Variants in RNF123 observed in about 807,000 individuals in gnomAD.
RNF123 encodes the protein E3 ubiquitin-protein ligase RNF123.
RNF123 carries 86 observed loss-of-function variants against 168.5 expected under a neutral mutation model. That is an observed-to-expected ratio of 0.51 (90% CI 0.43 to 0.61). The LOEUF is 0.61. Among genes scored for constraint, RNF123 ranks in the 20% least tolerant of loss-of-function variants. RNF123 has a pLI of 0.00. For synonymous variants in RNF123, 666 were observed against 689.1 expected, an observed-to-expected ratio of 0.97 and a Z score of 0.52; for missense variants, 1,419 against 1,729.7, an observed-to-expected ratio of 0.82 and a Z score of 3.19.
intron 26 of RNF123, among the ~76,000 whole-genome samples, chr3:49,708,260 G>C (rs1021725157): frequency 6.6e-6 from 1 of 152,144 alleles, no homozygotes; most frequent in African/African-American, 2.4e-5. Context: ...CACTGTGCCC[G>C]GTCACCCATC....
chr3:49,717,800 G>A lies in RNF123; in HGVS notation c.3500+1323G>A. 8.5e-6 allele frequency: 7 copies of A among 827,612 alleles called. No individual in the cohort carries two copies. The South Asian group carries it at 1.1e-4, about 13-fold the overall frequency. 51.3% of individuals were successfully genotyped at this position (827,612 alleles called of 1,614,324 possible). On this transcript the variant is annotated intron_variant, in intron 35 of 38. Coordinates refer to ENST00000327697, the MANE Select transcript of RNF123 (RefSeq NM_022064.5). Reference sequence around the variant, plus strand: ...ACAACCCCTGTCTCTACCAGTGAGCGAGAAGGCCCATTGTGTTTCGAGGCC... The same window carrying A: ...ACAACCCCTGTCTCTACCAGTGAGCAAGAAGGCCCATTGTGTTTCGAGGCC...
chr3:49,719,424 C>T, intron 35 of RNF123: 2 of 1,613,586 alleles, frequency 1.2e-6, no homozygotes, highest in East Asian at 2.2e-5. Flanking sequence ...ACCCAACGCG[C>T]AGCATGCAGA....
In RNF123 at chr3:49,699,125, G is replaced by A; in HGVS notation, c.764+20G>A. ...TCTGCGATATCATTTTGTGAAGATGGCTGTGGGCTGCTCAGAAGCTCTTGG... is the reference window on the plus strand; with the variant it reads ...TCTGCGATATCATTTTGTGAAGATGACTGTGGGCTGCTCAGAAGCTCTTGG... On this transcript the variant is annotated intron_variant, in intron 10 of 38. Coordinates refer to ENST00000327697, the MANE Select transcript of RNF123 (RefSeq NM_022064.5). The surrounding 1 kb of genome is among the most constrained non-coding windows in gnomAD (Gnocchi z 4.8). 2 of 1,609,334 alleles carry A rather than the reference G, an allele frequency of 1.2e-6. No individual in the cohort carries two copies. Among genetic ancestry groups the A allele is most frequent in the South Asian group, 2.2e-5 (2 of 90,592 alleles).
At chr3:49,691,923 G>A (rs1427153813) in intron 3 of RNF123, among the ~76,000 whole-genome samples, 1 of 152,246 alleles carries the variant, frequency 6.6e-6, no homozygotes, top group Non-Finnish European at 1.5e-5. Flanking sequence ...AGTGTAGTCA[G>A]TATAAAAGTT....
At chr3:49,712,157 G>A (rs1406180166) in intron 26 of RNF123, among the ~76,000 whole-genome samples, 2 of 151,956 alleles carry the variant, frequency 1.3e-5, no homozygotes, top group Non-Finnish European at 2.9e-5. Context: ...CTTGGGAGGC[G>A]GAGGTTTCCA....
At chr3:49,716,297 C>G (rs527502058) in intron 34 of RNF123, 96 bp from the exon 35 acceptor site, 421 of 1,540,748 alleles carry the variant, frequency 2.7e-4, no homozygotes, top group Non-Finnish European at 3.6e-4. Context: ...TCTGCAGTCT[C>G]GGCTCACCCT....
chr3:49,709,958 G>T (rs996640797), intron 26 of RNF123, among the ~76,000 whole-genome samples: 3 of 152,086 alleles, frequency 2.0e-5, no homozygotes, highest in Non-Finnish European at 4.4e-5. Flanking sequence ...GTGCATGAGG[G>T]TTCCAATTTC....
intron 22 of RNF123, 94 bp from the exon 23 acceptor site, chr3:49,704,890 G>A (rs1361739056): frequency 7.1e-7 from 1 of 1,400,750 alleles, no homozygotes; most frequent in Non-Finnish European, 9.7e-7. Context: ...CTTGCTGTGG[G>A]TGGAGGCATG....
At chr3:49,718,847 G>A in intron 35 of RNF123, 1 of 1,613,460 alleles carries the variant, frequency 6.2e-7, no homozygotes, top group Non-Finnish European at 8.5e-7. Context: ...AGGAAGGCCG[G>A]CAGCGCGGCC....
Position 49,697,274 on chromosome 3 carries a change from C to A in RNF123, c.247+52C>A, listed in dbSNP as rs751541702. Reference sequence around the variant, plus strand: ...TGGGAGGTGCAGAGCTGGGACGTAGCGGGCCTGGAGACGTCTGGTGAGCTC... The same window carrying A: ...TGGGAGGTGCAGAGCTGGGACGTAGAGGGCCTGGAGACGTCTGGTGAGCTC... On this transcript the variant is annotated intron_variant, in intron 4 of 38. Coordinates refer to ENST00000327697, the MANE Select transcript of RNF123 (RefSeq NM_022064.5). 16 of 1,597,714 alleles carry A rather than the reference C, an allele frequency of 1.0e-5. No individual in the cohort carries two copies. The Middle Eastern group carries it at 8.3e-4, about 83-fold the overall frequency.
intron 31 of RNF123, 75 bp downstream of exon 31, chr3:49,714,249 ACT>A: frequency 2.3e-6 from 3 of 1,314,676 alleles, no homozygotes; most frequent in South Asian, 1.2e-5. Context: ...GTTCTTTCAG[ACT>A]CTCCACTTCT....
At chr3:49,707,172 C>G (rs373126138) in intron 26 of RNF123, among the ~76,000 whole-genome samples, 2 of 152,096 alleles carry the variant, frequency 1.3e-5, no homozygotes, top group East Asian at 1.9e-4. Context: ...GCTCCCACCC[C>G]CTCCCAGTTT....
At chr3:49,701,968 C>T in intron 17 of RNF123, 58 bp downstream of exon 17, 1 of 1,549,030 alleles carries the variant, frequency 6.5e-7, no homozygotes, top group African/African-American at 1.4e-5. Flanking sequence ...CATGAGGGTG[C>T]TTGGAGGTGC....
intron 26 of RNF123, 48 bp from the exon 27 acceptor site, chr3:49,712,431 A>G (rs1188956433): frequency 1.9e-6 from 3 of 1,600,068 alleles, no homozygotes; most frequent in African/African-American, 1.3e-5. Context: ...CATGCCCCCA[A>G]GACCCCACTG....
chr3:49,718,309 G>T lies in RNF123; in HGVS notation c.3500+1832G>T, dbSNP rs200455167. 2.5e-4 allele frequency: 407 copies of T among 1,613,284 alleles called. 3 individuals carry two copies. In the East Asian group the frequency reaches 8.9e-3, roughly 35 times the overall value. On this transcript the variant is annotated intron_variant, in intron 35 of 38. Coordinates refer to ENST00000327697, the MANE Select transcript of RNF123 (RefSeq NM_022064.5). ...GCCCACGGCACAGCCCAGCAGTGTG[G>T]TGAAGCCTGTGTTGAAAGCCTCGGG...
In RNF123 at chr3:49,702,676, T is replaced by G. The variant is rs1441757407; in HGVS notation, c.1673T>G (p.Leu558Ter). The change falls in exon 20 of 39, where the codon TTA (leucine) becomes TGA (stop). Residue 558 changes from leucine (L) to a stop codon, truncating the protein, a stop_gained. Coordinates refer to ENST00000327697, the MANE Select transcript of RNF123 (RefSeq NM_022064.5). LOFTEE classifies it high-confidence loss of function. ...CCCCCTGAGTACATGGTCTGCTTCTTACACCGGCTGATCTCTGCCCTGCGC... is the reference window on the plus strand; with the variant it reads ...CCCCCTGAGTACATGGTCTGCTTCTGACACCGGCTGATCTCTGCCCTGCGC... ...LCPPEYMVCF[L>*]HRLISALRYY... 1 of 1,614,130 alleles carries G rather than the reference T, an allele frequency of 6.2e-7. No homozygotes were observed. The highest frequency in any genetic ancestry group is 1.3e-5 in the African/African-American group (1 of 74,944).
chr3:49,693,394 T>A (rs2054208052), intron 3 of RNF123, among the ~76,000 whole-genome samples: 1 of 147,472 alleles, frequency 6.8e-6, no homozygotes, highest in Non-Finnish European at 1.5e-5. Context: ...TTTGCTCTTG[T>A]TGCCCAGCCT....
intron 26 of RNF123, among the ~76,000 whole-genome samples, chr3:49,709,143 T>G (rs573039504): frequency 1.3e-5 from 2 of 150,226 alleles, no homozygotes; most frequent in African/African-American, 4.9e-5. Context: ...TTTTTTTTCT[T>G]TTTTTGAGGT....
In RNF123 at chr3:49,699,611, G is replaced by C. The variant is rs577727579; in HGVS notation, c.879+29G>C. 4.3e-6 allele frequency: 7 copies of C among 1,611,792 alleles called. No individual in the cohort carries two copies. Among genetic ancestry groups the C allele is most frequent in the Non-Finnish European group, 5.9e-6 (7 of 1,178,422 alleles). On this transcript the variant is annotated intron_variant, in intron 11 of 38. Transcript: ENST00000327697. The surrounding 1 kb of genome is among the most constrained non-coding windows in gnomAD (Gnocchi z 4.8). Reference sequence around the variant, plus strand: ...AGCTGGGGTCTGGGCCAGGCGGGGTGGGGGGCTTCCACAGCCTCCTGCCCC... The same window carrying C: ...AGCTGGGGTCTGGGCCAGGCGGGGTCGGGGGCTTCCACAGCCTCCTGCCCC...
Sources: gnomAD v4.1 joint callset for allele counts (sites outside exome capture counted in the v4.1 genomes callset) on GRCh38, gnomAD v4.1.1 for gene constraint, Gnocchi (gnomAD v3.1) non-coding constraint, MANE v1.5 for transcripts, NCBI Gene and HGNC (gene_info 2026-07-23, HGNC 2026-07-21) for gene names.